Variants in TRAPPC9 observed in about 807,000 individuals in gnomAD.
TRAPPC9 encodes trafficking protein particle complex subunit 9, also known as IKK2 binding protein.
TRAPPC9 carries 83 observed loss-of-function variants against 124.0 expected under a neutral mutation model. The observed-to-expected ratio is 0.67, with a 90% CI of 0.56 to 0.80. The LOEUF (loss-of-function observed/expected upper bound fraction) is 0.80. TRAPPC9 is among the 30% of genes least tolerant of loss of function. TRAPPC9 has a pLI of 0.00. For missense variants in TRAPPC9, 1,302 were observed against 1,508.3 expected, an observed-to-expected ratio of 0.86 and a Z score of 2.27; for synonymous variants, 638 against 617.5, an observed-to-expected ratio of 1.03 and a Z score of -0.49.
rs180943695 is a variant in TRAPPC9 at position 139,976,730 on chromosome 8, C to A, written c.2810+11996G>T. Among the ~76,000 whole-genome samples the A allele has an allele frequency of 4.9e-4, 75 of 152,340 alleles. 1 individual carries two copies. Among genetic ancestry groups the A allele is most frequent in the African/African-American group, 1.7e-3 (72 of 41,582 alleles). Reference sequence around the variant, plus strand: ...CAGGCCAAGACGTACATGAAGCAGCCTTGCAGAGTCTGGCAGGGAGGACTC... The same window carrying A: ...CAGGCCAAGACGTACATGAAGCAGCATTGCAGAGTCTGGCAGGGAGGACTC... On this transcript the variant is annotated intron_variant, in intron 19 of 22. Transcript: ENST00000438773.
chr8:139,874,210 C>G (rs1411098360), intron 21 of TRAPPC9, among the ~76,000 whole-genome samples: 1 of 152,260 alleles, frequency 6.6e-6, no homozygotes, highest in Non-Finnish European at 1.5e-5. Flanking sequence ...GGGACTGTCT[C>G]AGTGCATCTG....
chr8:140,276,142 C>T (rs2131655119), intron 14 of TRAPPC9, among the ~76,000 whole-genome samples: 1 of 152,348 alleles, frequency 6.6e-6, no homozygotes, highest in East Asian at 1.9e-4. Flanking sequence ...ATAAAAATTA[C>T]ATGATGAATT....
chr8:140,326,717 C>CA (rs550511861), intron 9 of TRAPPC9, among the ~76,000 whole-genome samples: 39 of 147,430 alleles, frequency 2.6e-4, no homozygotes, highest in East Asian at 4.0e-4. Context: ...TAATAAAATT[C>CA]AAAAAAAAAA....
intron 21 of TRAPPC9, among the ~76,000 whole-genome samples, chr8:139,774,289 G>A (rs565795671): frequency 2.9e-4 from 44 of 152,336 alleles, no homozygotes; most frequent in Non-Finnish European, 5.1e-4. Context: ...GTAGGGACAG[G>A]TGGAAGGCTC....
intron 17 of TRAPPC9, among the ~76,000 whole-genome samples, chr8:140,030,256 G>C (rs1220359181): frequency 1.3e-5 from 2 of 152,160 alleles, no homozygotes; most frequent in African/African-American, 4.8e-5. Flanking sequence ...ATTTTTGTAA[G>C]CATTGTACTT....
At chr8:140,357,771 G>A (rs1196848679) in intron 9 of TRAPPC9, among the ~76,000 whole-genome samples, 1 of 152,220 alleles carries the variant, frequency 6.6e-6, no homozygotes, top group Non-Finnish European at 1.5e-5. Flanking sequence ...AAACGCCGGA[G>A]TGCAAATGGG....
chr8:140,349,266 C>T (rs28393434), intron 9 of TRAPPC9, among the ~76,000 whole-genome samples: 1,338 of 58,440 alleles, frequency 0.023, 14 homozygotes, highest in Non-Finnish European at 0.031. Context: ...AGAGGGGGGC[C>T]GATGGGGGCG....
intron 18 of TRAPPC9, among the ~76,000 whole-genome samples, chr8:139,995,980 A>G (rs1435869738): frequency 1.3e-5 from 2 of 151,496 alleles, no homozygotes; most frequent in African/African-American, 4.8e-5. Flanking sequence ...CTCAACACAG[A>G]ACCAGGAAAA....
chr8:139,757,057 T>G (rs1433336986), intron 21 of TRAPPC9, among the ~76,000 whole-genome samples: 16 of 95,600 alleles, frequency 1.7e-4, no homozygotes, highest in Admixed American at 2.1e-4. Flanking sequence ...AGCCAGGGTT[T>G]GGGGATGAGG....
intron 21 of TRAPPC9, among the ~76,000 whole-genome samples, chr8:139,760,931 G>A (rs1327804904): frequency 4.6e-5 from 7 of 152,154 alleles, no homozygotes; most frequent in Non-Finnish European, 1.0e-4. Flanking sequence ...GGGACACAGA[G>A]CCAAACCATA....
chr8:140,129,388 G>A (rs1587769572), intron 17 of TRAPPC9, among the ~76,000 whole-genome samples: 1 of 152,148 alleles, frequency 6.6e-6, no homozygotes, highest in Non-Finnish European at 1.5e-5. Context: ...AGCAGGGTAC[G>A]GGGTCCTAGA....
chr8:139,734,071 T>C (rs1457107257), intron 21 of TRAPPC9, among the ~76,000 whole-genome samples: 1 of 152,186 alleles, frequency 6.6e-6, no homozygotes, highest in Admixed American at 6.5e-5. Flanking sequence ...GACAGGATAT[T>C]GAAAGTCCCC....
At chr8:140,000,303 A>T (rs1476957280) in intron 18 of TRAPPC9, among the ~76,000 whole-genome samples, 1 of 152,172 alleles carries the variant, frequency 6.6e-6, no homozygotes, top group Non-Finnish European at 1.5e-5. Context: ...AGGCATTGCC[A>T]TTCAGGACAT....
chr8:139,941,230 G>A (rs1833899181), intron 19 of TRAPPC9, among the ~76,000 whole-genome samples: 1 of 152,246 alleles, frequency 6.6e-6, no homozygotes, highest in African/African-American at 2.4e-5. Context: ...CAGGTGAGAA[G>A]GGTGCAGTCC....
At chr8:140,040,193 C>T (rs1841178050) in intron 17 of TRAPPC9, 1 of 152,426 alleles carries the variant, frequency 6.6e-6, no homozygotes, top group South Asian at 2.1e-4. Flanking sequence ...CCACCCAAGC[C>T]CCCCAGCCAA....
intron 19 of TRAPPC9, among the ~76,000 whole-genome samples, chr8:139,915,168 G>C (rs953822557): frequency 2.6e-5 from 4 of 152,214 alleles, no homozygotes; most frequent in Admixed American, 1.3e-4. Flanking sequence ...TGGCGGTGCC[G>C]GGCCCTGCCC....
At chr8:139,871,810 G>C (rs894176182) in intron 21 of TRAPPC9, among the ~76,000 whole-genome samples, 8 of 152,178 alleles carry the variant, frequency 5.3e-5, no homozygotes, top group African/African-American at 1.7e-4. Context: ...TGGGTAGGTG[G>C]GTGGATGGAC....
intron 17 of TRAPPC9, among the ~76,000 whole-genome samples, chr8:140,108,018 T>C (rs1399726691): frequency 6.6e-6 from 1 of 150,946 alleles, no homozygotes; most frequent in African/African-American, 2.4e-5. Context: ...CATGTAGATA[T>C]GAGGATACGT....
intron 17 of TRAPPC9, among the ~76,000 whole-genome samples, chr8:140,124,702 G>C (rs561116850): frequency 1.4e-5 from 1 of 71,870 alleles, no homozygotes; most frequent in Non-Finnish European, 3.0e-5. Flanking sequence ...GAAGACCCTC[G>C]CGGGGGAGGA....
Sources: gnomAD v4.1 joint callset for allele counts (sites outside exome capture counted in the v4.1 genomes callset) on GRCh38, gnomAD v4.1.1 for gene constraint, MANE v1.5 for transcripts, NCBI Gene and HGNC (gene_info 2026-07-23, HGNC 2026-07-21) for gene names.